ACACA: variants seen among roughly 807,000 people sequenced by gnomAD.
ACACA encodes the protein acetyl-CoA carboxylase 1.
A neutral mutation model predicts 296.1 loss-of-function variants in ACACA; 103 were observed. The ratio of observed to expected loss-of-function variants is 0.35; its 90% confidence interval spans 0.30 to 0.41. The LOEUF is 0.41. ACACA is among the 10% of genes least tolerant of loss of function. The pLI, the probability that ACACA is intolerant of heterozygous loss-of-function variation, is 1.00. For missense variants in ACACA, 1,554 were observed against 2,989.7 expected (o/e 0.52, Z 11.20); for synonymous variants, 953 against 1,038.6 (o/e 0.92, Z 1.58).
chr17:37,271,392 G>A (rs1329218622), intron 9 of ACACA, among the ~76,000 whole-genome samples: 2 of 152,118 alleles, frequency 1.3e-5, no homozygotes, highest in Admixed American at 6.6e-5. Context: ...GCGCATGCCT[G>A]TAATCCCAGC....
At chr17:37,324,034 C>G (rs944407009) in intron 3 of ACACA, among the ~76,000 whole-genome samples, 2 of 152,140 alleles carry the variant, frequency 1.3e-5, no homozygotes, top group African/African-American at 4.8e-5. Flanking sequence ...GGTTCAAGAC[C>G]AGCCTGGCCA....
chr17:37,369,272 A>T (rs1431161864), intron 1 of ACACA: 2 of 152,150 alleles, frequency 1.3e-5, no homozygotes, highest in Non-Finnish European at 2.9e-5. Context: ...AAGCAGGAGG[A>T]TCACTTGAGG....
intron 24 of ACACA, among the ~76,000 whole-genome samples, chr17:37,239,463 T>G (rs1047683695): frequency 1.3e-5 from 2 of 152,194 alleles, no homozygotes. Context: ...AAAGATAATG[T>G]TTTCAACGTT....
At chr17:37,136,596 G>C (rs1281344518) in intron 45 of ACACA, among the ~76,000 whole-genome samples, 1 of 151,986 alleles carries the variant, frequency 6.6e-6, no homozygotes, top group African/African-American at 2.4e-5. Context: ...ATCTATGAGA[G>C]TTCCAGCTGT....
chr17:37,278,029 G>C, intron 5 of ACACA, 24 bp from the exon 6 acceptor site: 1 of 1,554,704 alleles, frequency 6.4e-7, no homozygotes, highest in Non-Finnish European at 8.9e-7. Flanking sequence ...CGAATTAATA[G>C]AGAACACATG....
At chr17:37,306,566 AAAG>A (rs2083895565) in intron 3 of ACACA, among the ~76,000 whole-genome samples, 1 of 152,318 alleles carries the variant, frequency 6.6e-6, no homozygotes, top group African/African-American at 2.4e-5. Flanking sequence ...CCTTAAAGGT[AAAG>A]ACTACTCTGA....
rs59156423 is a variant in ACACA, at chr17:37,234,070, T to A, written c.3246+905A>T. 6.6e-3 allele frequency among the ~76,000 whole-genome samples: 1,012 copies of A among 152,298 alleles called. 10 individuals carry two copies. The highest frequency in any genetic ancestry group is 0.023 in the African/African-American group (973 of 41,568). Reference sequence around the variant, plus strand: ...AGAAATAAAAAATAGCATGAAGATGTATGTTTTTTTCCTCCATGAAAAAAT... The same window carrying A: ...AGAAATAAAAAATAGCATGAAGATGAATGTTTTTTTCCTCCATGAAAAAAT... On this transcript the variant is annotated intron_variant, in intron 25 of 55. Transcript: ENST00000616317.
chr17:37,269,763 G>GAA (rs71159698), intron 10 of ACACA, among the ~76,000 whole-genome samples: 5 of 129,294 alleles, frequency 3.9e-5, no homozygotes, highest in Middle Eastern at 3.7e-3. Flanking sequence ...TGTTTTAAGG[G>GAA]AAAAAAAAAA....
intron 3 of ACACA, among the ~76,000 whole-genome samples, chr17:37,324,227 G>A (rs576361547): frequency 1.5e-4 from 23 of 151,582 alleles, no homozygotes; most frequent in African/African-American, 4.4e-4. Flanking sequence ...TTAGCCAGAC[G>A]TGGTGGCGCA....
At chr17:37,326,391 C>A (rs544940467) in intron 3 of ACACA, among the ~76,000 whole-genome samples, 4 of 151,508 alleles carry the variant, frequency 2.6e-5, no homozygotes, top group East Asian at 3.9e-4. Flanking sequence ...ATCAGCCTGG[C>A]GTGGTGGCGT....
intron 5 of ACACA, among the ~76,000 whole-genome samples, chr17:37,281,093 C>T (rs993985248): frequency 6.8e-6 from 1 of 147,288 alleles, no homozygotes; most frequent in Non-Finnish European, 1.5e-5. Context: ...CTGAGTCTCG[C>T]TTTGTGGCCC....
At chr17:37,257,147 G>A (rs1466758179) in intron 14 of ACACA, among the ~76,000 whole-genome samples, 3 of 152,072 alleles carry the variant, frequency 2.0e-5, no homozygotes, top group Non-Finnish European at 2.9e-5. Flanking sequence ...GTTATATACA[G>A]CATGCTAAGG....
At position 37,394,568 on chromosome 17, in the gene ACACA, T is replaced by C. The variant is rs903880074; in HGVS notation, c.38+11694A>G. On this transcript the variant is annotated intron_variant, in intron 1 of 55. Transcript: ENST00000616317. ...TTTCTTATTAAGCTACCACACTTTG[T>C]TTTTATAATTATTAAAGTGCATTCT... 3.3e-5 allele frequency among the ~76,000 whole-genome samples: 5 copies of C among 151,810 alleles called. No homozygotes were observed. The South Asian group carries it at 1.0e-3, about 32-fold the overall frequency.
chr17:37,205,919 A>G (rs1242430660), intron 32 of ACACA, 47 bp from the exon 33 acceptor site: 1 of 1,364,212 alleles, frequency 7.3e-7, no homozygotes, highest in Admixed American at 1.7e-5. Context: ...GCTGGCCAAT[A>G]CAGATGCAGA....
At chr17:37,124,674 T>G (rs1423485253) in intron 48 of ACACA, among the ~76,000 whole-genome samples, 2 of 152,108 alleles carry the variant, frequency 1.3e-5, no homozygotes, top group African/African-American at 2.4e-5. Context: ...ATAAAAGACC[T>G]GAGACTTTAA....
intron 3 of ACACA, among the ~76,000 whole-genome samples, chr17:37,291,143 TACACAC>T (rs71159701): frequency 7.3e-6 from 1 of 136,874 alleles, no homozygotes; most frequent in Non-Finnish European, 1.5e-5. Flanking sequence ...GAAAAACACA[TACACAC>T]ACACACACAC....
At chr17:37,190,833 T>G (rs1357251970) in intron 38 of ACACA, among the ~76,000 whole-genome samples, 1 of 152,190 alleles carries the variant, frequency 6.6e-6, no homozygotes, top group Non-Finnish European at 1.5e-5. Context: ...AAATATAAAA[T>G]AGGTACCAAC....
chr17:37,221,666 C>T, intron 29 of ACACA, 58 bp downstream of exon 29: 1 of 1,363,408 alleles, frequency 7.3e-7, no homozygotes, highest in Non-Finnish European at 1.1e-6. Context: ...CATTACTCCC[C>T]TTGATTCTCA....
Position 37,206,778 on chromosome 17 carries a change from T to A in ACACA, c.3948+5A>T. 6.3e-7 allele frequency: 1 copy of A among 1,597,898 alleles called. No homozygotes were observed. Among genetic ancestry groups the A allele is most frequent in the Non-Finnish European group, 8.6e-7 (1 of 1,165,328 alleles). On this transcript the variant is annotated splice_donor_5th_base_variant and intron_variant, in intron 32 of 55. Coordinates refer to ENST00000616317, the MANE Select transcript of ACACA (RefSeq NM_198834.3). ...CAAAGCAGTCTCCCAAAAGGGACAT[T>A]ATACCTTATCCTCATCATAAAGAGA...
Sources: gnomAD v4.1 joint callset for allele counts (sites outside exome capture counted in the v4.1 genomes callset) on GRCh38, gnomAD v4.1.1 for gene constraint, MANE v1.5 for transcripts, NCBI Gene and HGNC (gene_info 2026-07-23, HGNC 2026-07-21) for gene names.